USP4: variants seen among roughly 807,000 people sequenced by gnomAD.
The protein encoded by USP4 is ubiquitin specific peptidase 4, also known as ubiquitin carboxyl-terminal hydrolase 4.
Under a neutral mutation model 118.2 loss-of-function variants are expected in USP4, and 72 were observed. The ratio of observed to expected loss-of-function variants is 0.61; its 90% CI spans 0.50 to 0.74. The LOEUF (loss-of-function observed/expected upper bound fraction) is 0.74. Among genes scored for constraint, USP4 ranks in the 30% least tolerant of loss-of-function variants. The pLI is 0.00. For missense variants in USP4, 1,037 were observed against 1,185.7 expected (o/e 0.87, Z 1.84); for synonymous variants, 415 against 440.4 (o/e 0.94, Z 0.72).
intron 3 of USP4, among the ~76,000 whole-genome samples, chr3:49,327,099 A>G (rs1421338953): frequency 6.6e-6 from 1 of 152,126 alleles, no homozygotes; most frequent in Non-Finnish European, 1.5e-5. Flanking sequence ...CCCCCAGTGA[A>G]CTTTCTCTCA....
In USP4 at chr3:49,302,446, G is replaced by A; in HGVS notation, c.1225C>T (p.Leu409=). 1 of 1,614,160 alleles carries A rather than the reference G, an allele frequency of 6.2e-7. No homozygotes were observed. The highest frequency in any genetic ancestry group is 8.5e-7 in the Non-Finnish European group (1 of 1,180,038). Residue 409 remains leucine, a synonymous_variant, in exon 10 of 22, where the codon CTG becomes TTG. Coordinates refer to ENST00000265560, the MANE Select transcript of USP4 (RefSeq NM_003363.4). ...TAGGGCTTTTTCTTTACCCGGTTCA[G>A]ATCTTCATGCAATCCATCTAGAAGA... is the stretch of plus-strand genomic sequence containing the variant. ...AFLLDGLHED[L]NRVKKKPYLE...
intron 9 of USP4, among the ~76,000 whole-genome samples, chr3:49,305,370 G>A (rs1206142180): frequency 3.3e-5 from 5 of 150,366 alleles, no homozygotes; most frequent in African/African-American, 7.3e-5. Context: ...GAGCCACAGC[G>A]CCTGGCCCAG....
intron 19 of USP4, among the ~76,000 whole-genome samples, chr3:49,282,382 C>T (rs909927170): frequency 1.7e-4 from 26 of 151,872 alleles, no homozygotes; most frequent in African/African-American, 6.3e-4. Flanking sequence ...TCAAGTGATT[C>T]TCCTGCCTCA....
At chr3:49,313,266 C>T (rs372216569) in intron 6 of USP4, among the ~76,000 whole-genome samples, 3 of 152,058 alleles carry the variant, frequency 2.0e-5, no homozygotes, top group East Asian at 1.9e-4. Flanking sequence ...GTAGCTCACG[C>T]CTATAATCCC....
At chr3:49,338,662 C>CAAAAAAAAAAA (rs1184984948) in intron 1 of USP4, among the ~76,000 whole-genome samples, 2 of 52,880 alleles carry the variant, frequency 3.8e-5, no homozygotes, top group Non-Finnish European at 8.7e-5. Flanking sequence ...AATTCCTTCT[C>CAAAAAAAAAAA]AAAAAAAAAA....
chr3:49,298,106 A>G, intron 12 of USP4, 142 bp from the exon 13 acceptor site: 1 of 634,402 alleles, frequency 1.6e-6, no homozygotes, highest in South Asian at 2.0e-5. Context: ...ACAGCCCCAG[A>G]GAGCTGAGGG....
intron 8 of USP4, among the ~76,000 whole-genome samples, chr3:49,308,724 T>C (rs933868339): frequency 2.0e-5 from 3 of 150,598 alleles, no homozygotes; most frequent in African/African-American, 4.9e-5. Context: ...TACACATCAA[T>C]GCCAGGAAAT....
At chr3:49,286,000 ACTG>A in intron 16 of USP4, 95 bp downstream of exon 16, 1 of 1,148,306 alleles carries the variant, frequency 8.7e-7, no homozygotes, top group Non-Finnish European at 1.3e-6. Context: ...AGGCACAGAG[ACTG>A]TGAAAGCCCA....
chr3:49,309,713 G>A (rs576000651), intron 8 of USP4, among the ~76,000 whole-genome samples: 108 of 130,346 alleles, frequency 8.3e-4, no homozygotes, highest in African/African-American at 2.9e-3. Context: ...TGCAACCTCC[G>A]TCTCCTGGGT....
intron 20 of USP4, 162 bp from the exon 21 acceptor site, chr3:49,279,064 C>T (rs2046990532): frequency 4.6e-6 from 2 of 433,506 alleles, no homozygotes; most frequent in South Asian, 8.3e-5. Flanking sequence ...AACTCACCTT[C>T]TTTTCTAATC....
chr3:49,284,138 T>C lies in USP4; in HGVS notation c.2391-2A>G, dbSNP rs1452537219. 3.1e-6 allele frequency: 5 copies of C among 1,613,988 alleles called. No homozygotes were observed. The highest frequency in any genetic ancestry group is 3.4e-6 in the Non-Finnish European group (4 of 1,180,034). ...TGCTTCTTACAGTTGGGACAGTACC[T>C]AAAAAGAGAAACCTCCACTTAGCAG... On this transcript the variant is annotated splice_acceptor_variant, in intron 18 of 21. Transcript: ENST00000265560. LOFTEE classifies it high-confidence loss of function.
At chr3:49,331,030 A>T (rs191114774) in intron 2 of USP4, among the ~76,000 whole-genome samples, 2 of 140,042 alleles carry the variant, frequency 1.4e-5, no homozygotes, top group African/African-American at 5.4e-5. Flanking sequence ...AAAAAAAAAA[A>T]ATATTGGGAG....
At position 49,327,783 on chromosome 3, in the gene USP4, A is replaced by G. The variant is rs746853206; in HGVS notation, c.263T>C (p.Ile88Thr). 5.0e-6 allele frequency: 8 copies of G among 1,613,958 alleles called. No individual in the cohort carries two copies. Among genetic ancestry groups the G allele is most frequent in the Non-Finnish European group, 5.9e-6 (7 of 1,179,870 alleles). Residue 88 changes from isoleucine (I) to threonine (T), a missense_variant, in exon 3 of 22, where the codon ATT (isoleucine) becomes ACT (threonine). Transcript: ENST00000265560. ...PESQTLKEHLIDELDYVLVPT... is the reference protein window; with the variant it reads ...PESQTLKEHLTDELDYVLVPT... ...GACCAATACATAGTCCAATTCATCA[A>G]TTAAGTGTTCTTTCAAGGTCTGACT...
chr3:49,295,701 T>TGCGCGCGCGCGCGCGCGC (rs754642053), intron 13 of USP4, among the ~76,000 whole-genome samples: 1 of 146,070 alleles, frequency 6.8e-6, no homozygotes, highest in African/African-American at 2.7e-5. Context: ...TATGCACGTG[T>TGCGCGCGCGCGCGCGCGC]GCGCGCGCGC....
chr3:49,286,532 G>A (rs930325501), intron 15 of USP4, among the ~76,000 whole-genome samples: 5 of 152,058 alleles, frequency 3.3e-5, no homozygotes, highest in South Asian at 4.2e-4. Context: ...GCTATTCCAC[G>A]ATGAGGAGGC....
At chr3:49,287,178 G>A (rs772391301) in intron 15 of USP4, among the ~76,000 whole-genome samples, 53 of 151,234 alleles carry the variant, frequency 3.5e-4, no homozygotes, top group African/African-American at 1.1e-3. Context: ...TTTTTGAGAC[G>A]GAGTCTCACT....
Position 49,337,019 on chromosome 3 carries a change from T to G in USP4, c.102-1423A>C, listed in dbSNP as rs2047674745. 2.0e-5 allele frequency among the ~76,000 whole-genome samples: 3 copies of G among 152,050 alleles called. No homozygotes were observed. In the South Asian group the frequency reaches 6.2e-4, roughly 32 times the overall value. ...TACACACAAGGCCAGGCGCAGTGGCTCACACCTGTAATCCCAGCACTTTGA... is the reference window on the plus strand; with the variant it reads ...TACACACAAGGCCAGGCGCAGTGGCGCACACCTGTAATCCCAGCACTTTGA... On this transcript the variant is annotated intron_variant, in intron 1 of 21. Transcript: ENST00000265560.
chr3:49,297,761 C>A, intron 13 of USP4, 109 bp downstream of exon 13: 1 of 893,584 alleles, frequency 1.1e-6, no homozygotes, highest in Non-Finnish European at 1.8e-6. Flanking sequence ...CAGGGCCAAT[C>A]CACATGAGCA....
chr3:49,300,181 C>T (rs1205579596), intron 11 of USP4, among the ~76,000 whole-genome samples: 1 of 151,418 alleles, frequency 6.6e-6, no homozygotes, highest in African/African-American at 2.4e-5. Context: ...GGGAGGAAGA[C>T]GTTACAGTGA....
Sources: allele counts gnomAD v4.1 joint callset (sites outside exome capture counted in the v4.1 genomes callset), GRCh38; gene constraint gnomAD v4.1.1; transcripts MANE v1.5; gene names NCBI Gene and HGNC (gene_info 2026-07-23, HGNC 2026-07-21).